Variants in WDR72 observed in about 807,000 individuals in gnomAD.
The protein encoded by WDR72 is WD repeat-containing protein 72.
In WDR72, 120 loss-of-function variants were observed where a neutral mutation model predicts 124.2. The ratio of observed to expected loss-of-function variants is 0.97; its 90% CI spans 0.83 to 1.12. The LOEUF (loss-of-function observed/expected upper bound fraction) is 1.12. WDR72 is among the 50% of genes most tolerant of loss of function. The pLI is 0.00. For synonymous variants in WDR72, 452 were observed against 441.7 expected (o/e 1.02, Z -0.29); for missense variants, 1,387 against 1,278.8 (o/e 1.08, Z -1.29).
intron 1 of WDR72, among the ~76,000 whole-genome samples, chr15:53,751,331 CA>C (rs1400958890): frequency 6.6e-6 from 1 of 152,102 alleles, no homozygotes; most frequent in Non-Finnish European, 1.5e-5. Context: ...GAACCACCCC[CA>C]AACTCCAGCA....
chr15:53,607,600 G>T (rs773179507), intron 17 of WDR72, among the ~76,000 whole-genome samples: 2 of 152,054 alleles, frequency 1.3e-5, no homozygotes, highest in East Asian at 3.9e-4. Context: ...CCAGGACATT[G>T]GTTTGGGCAA....
chr15:53,665,874 C>T lies in WDR72; in HGVS notation c.1766-106G>A, dbSNP rs531022688. 1.6e-5 allele frequency: 18 copies of T among 1,139,742 alleles called. No individual in the cohort carries two copies. The East Asian group carries it at 2.0e-4, about 13-fold the overall frequency. 70.6% of individuals were successfully genotyped at this position (1,139,742 alleles called of 1,614,324 possible). On this transcript the variant is annotated intron_variant, in intron 13 of 19. Coordinates refer to ENST00000360509, the MANE Select transcript of WDR72 (RefSeq NM_182758.4). Reference sequence around the variant, plus strand: ...GAAGAATCACAATCCTTTAAGTTATCGTGCCTTAGTATCTTGCAACTGAAA... The same window carrying T: ...GAAGAATCACAATCCTTTAAGTTATTGTGCCTTAGTATCTTGCAACTGAAA...
rs144367018 is a variant in WDR72 at position 53,757,648 on chromosome 15, T to C, written c.-13+1985A>G. Among the ~76,000 whole-genome samples the C allele has an allele frequency of 7.2e-3, 933 of 129,026 alleles. 4 individuals carry two copies. The highest frequency in any genetic ancestry group is 9.5e-3 in the Non-Finnish European group (558 of 58,680). 84.6% of individuals were successfully genotyped at this position (129,026 alleles called of 152,430 possible). On this transcript the variant is annotated intron_variant, in intron 1 of 19. Coordinates refer to ENST00000360509, the MANE Select transcript of WDR72 (RefSeq NM_182758.4). ...AACAACAACAACAACAACAAAAAAT[T>C]AAAAATTAAAAAAAAGAATTATTCA...
chr15:53,523,094 T>C, intron 19 of WDR72, 124 bp downstream of exon 19: 1 of 892,214 alleles, frequency 1.1e-6, no homozygotes, highest in Non-Finnish European at 1.9e-6. Context: ...GACCATTAAT[T>C]TGACAGTGCA....
At chr15:53,529,169 T>A (rs868262362) in intron 18 of WDR72, among the ~76,000 whole-genome samples, 4,460 of 135,934 alleles carry the variant, frequency 0.033, 202 homozygotes, top group African/African-American at 0.1. Flanking sequence ...TATATATTTT[T>A]TTTTTTTTTT....
intron 18 of WDR72, among the ~76,000 whole-genome samples, chr15:53,574,684 T>C (rs1265182335): frequency 6.6e-6 from 1 of 152,192 alleles, no homozygotes; most frequent in East Asian, 1.9e-4. Flanking sequence ...TTTTTCATTA[T>C]ATTATTTCTA....
chr15:53,523,098 C>A (rs1566940165), intron 19 of WDR72, 120 bp downstream of exon 19: 4 of 907,232 alleles, frequency 4.4e-6, no homozygotes, highest in Non-Finnish European at 7.3e-6. Flanking sequence ...ATTAATTTGA[C>A]AGTGCAGCTG....
At chr15:53,664,880 A>AT (rs1464645637) in intron 14 of WDR72, among the ~76,000 whole-genome samples, 3 of 152,198 alleles carry the variant, frequency 2.0e-5, no homozygotes, top group African/African-American at 7.2e-5. Context: ...ATATGTTTAT[A>AT]TGAAAAAATA....
At chr15:53,606,747 G>C (rs555991568) in intron 17 of WDR72, among the ~76,000 whole-genome samples, 1 of 152,108 alleles carries the variant, frequency 6.6e-6, no homozygotes, top group Non-Finnish European at 1.5e-5. Flanking sequence ...TCTAGCCCAA[G>C]AGAACAGTAA....
At chr15:53,762,209 CT>C (rs2019074191), upstream of WDR72, among the ~76,000 whole-genome samples, 1 of 152,112 alleles carries the variant, frequency 6.6e-6, no homozygotes, top group Admixed American at 6.5e-5. Flanking sequence ...GGTTTTCCAT[CT>C]CTTAAACTTC....
intron 18 of WDR72, among the ~76,000 whole-genome samples, chr15:53,568,679 T>C (rs1894388695): frequency 6.6e-6 from 1 of 151,994 alleles, no homozygotes; most frequent in Non-Finnish European, 1.5e-5. Context: ...TTCCACATCA[T>C]GGTTTGAAAA....
intron 17 of WDR72, among the ~76,000 whole-genome samples, chr15:53,600,111 T>A (rs1393332967): frequency 6.6e-6 from 1 of 152,148 alleles, no homozygotes; most frequent in East Asian, 1.9e-4. Flanking sequence ...TGTAATAATG[T>A]TATTATAGTA....
intron 14 of WDR72, among the ~76,000 whole-genome samples, chr15:53,657,861 G>A (rs907785773): frequency 2.6e-5 from 4 of 152,108 alleles, no homozygotes; most frequent in African/African-American, 7.2e-5. Flanking sequence ...GAGCCTTAAA[G>A]GTCTTCGCTC....
chr15:53,606,118 A>G (rs2171476), intron 17 of WDR72, among the ~76,000 whole-genome samples: 7 of 151,952 alleles, frequency 4.6e-5, no homozygotes, highest in South Asian at 2.1e-4. Context: ...TCACAGAATC[A>G]TAGAACCTTA....
intron 13 of WDR72, among the ~76,000 whole-genome samples, chr15:53,690,756 A>G (rs1409809818): frequency 6.6e-6 from 1 of 152,146 alleles, no homozygotes; most frequent in Non-Finnish European, 1.5e-5. Context: ...GAATAATTCT[A>G]CTGTAAACAT....
chr15:53,619,153 A>T (rs1473935500), intron 14 of WDR72, among the ~76,000 whole-genome samples: 1 of 151,946 alleles, frequency 6.6e-6, no homozygotes, highest in Non-Finnish European at 1.5e-5. Context: ...TTTATTTTTA[A>T]ACCTACTTAT....
At chr15:53,695,764 C>G (rs993721310) in intron 13 of WDR72, among the ~76,000 whole-genome samples, 2 of 152,182 alleles carry the variant, frequency 1.3e-5, no homozygotes, top group African/African-American at 4.8e-5. Context: ...AAGGAACACC[C>G]TTATCAGTCC....
Position 53,684,990 on chromosome 15 carries a change from A to G in WDR72, c.1765+14760T>C, listed in dbSNP as rs529967626. On this transcript the variant is annotated intron_variant, in intron 13 of 19. Coordinates refer to ENST00000360509, the MANE Select transcript of WDR72 (RefSeq NM_182758.4). ...AGGCAAGGTATTCCAACAGACCTGC[A>G]GCTGAGGGTCCTGTCTGTTAGAAGG... Among the ~76,000 whole-genome samples the G allele has an allele frequency of 2.9e-4, 44 of 152,340 alleles. No individual in the cohort carries two copies. In the South Asian group the frequency reaches 8.9e-3, roughly 31 times the overall value.
At chr15:53,594,695 C>T (rs55799724) in intron 18 of WDR72, among the ~76,000 whole-genome samples, 20,796 of 150,706 alleles carry the variant, frequency 0.14, 2,233 homozygotes, top group African/African-American at 0.3. Flanking sequence ...AAGAAGCTGA[C>T]GCAGGAGGAT....
Sources: allele counts gnomAD v4.1 joint callset (sites outside exome capture counted in the v4.1 genomes callset), GRCh38; gene constraint gnomAD v4.1.1; transcripts MANE v1.5; gene names NCBI Gene and HGNC (gene_info 2026-07-23, HGNC 2026-07-21).